The following RAPH1 variants were observed in gnomAD, a reference collection of about 807,000 sequenced individuals.
RAPH1 encodes Ras association (RalGDS/AF-6) and pleckstrin homology domains 1.
RAPH1 carries 18 observed loss-of-function variants against 88.1 expected under a neutral mutation model. That is an observed-to-expected ratio of 0.20 (90% CI 0.14 to 0.30). The LOEUF (loss-of-function observed/expected upper bound fraction) is 0.30, where lower values mean the gene tolerates loss of function less well. RAPH1 is among the 10% of genes least tolerant of loss of function. The pLI, the probability that RAPH1 is intolerant of heterozygous loss-of-function variation, is 1.00. For missense variants in RAPH1, 1,448 were observed against 1,543.2 expected (o/e 0.94, Z 1.03); for synonymous variants, 587 against 559.0 (o/e 1.05, Z -0.71).
At chr2:203,490,502 A>T (rs1472983180) in intron 3 of RAPH1, among the ~76,000 whole-genome samples, 1 of 152,230 alleles carries the variant, frequency 6.6e-6, no homozygotes, top group Non-Finnish European at 1.5e-5. Context: ...TGACAGGTCA[A>T]TATTATAAAC....
intron 4 of RAPH1, among the ~76,000 whole-genome samples, chr2:203,482,254 C>G (rs952722531): frequency 6.6e-6 from 1 of 152,088 alleles, no homozygotes. Flanking sequence ...GGCATCATCT[C>G]AGCTCACTGC....
intron 1 of RAPH1, among the ~76,000 whole-genome samples, chr2:203,516,498 C>T (rs184903950): frequency 7.9e-5 from 12 of 152,280 alleles, no homozygotes; most frequent in Admixed American, 2.0e-4. Flanking sequence ...GCCTGTAATC[C>T]CAGATTTTGG....
At chr2:203,463,137 G>A (rs2098525480) in intron 4 of RAPH1, among the ~76,000 whole-genome samples, 2 of 151,856 alleles carry the variant, frequency 1.3e-5, no homozygotes, top group Non-Finnish European at 1.5e-5. Flanking sequence ...GGGAGGCAGA[G>A]GCTGCAGTGA....
intron 1 of RAPH1, among the ~76,000 whole-genome samples, chr2:203,519,696 T>C (rs796699262): frequency 1.4e-4 from 21 of 152,274 alleles, no homozygotes; most frequent in African/African-American, 5.1e-4. Context: ...CCAACCATGA[T>C]ATTTTTACTC....
chr2:203,513,139 A>C (rs750036299), intron 1 of RAPH1, among the ~76,000 whole-genome samples: 4 of 151,882 alleles, frequency 2.6e-5, no homozygotes, highest in Non-Finnish European at 5.9e-5. Flanking sequence ...TAATTCTGCC[A>C]CTAACTAGCT....
intron 2 of RAPH1, among the ~76,000 whole-genome samples, chr2:203,491,596 C>G (rs554466330): frequency 6.6e-6 from 1 of 152,310 alleles, no homozygotes; most frequent in Admixed American, 6.5e-5. Context: ...GCTTGGCTCA[C>G]TGCAACCTCC....
At chr2:203,529,089 C>T (rs142071400) in intron 1 of RAPH1, among the ~76,000 whole-genome samples, 28 of 139,122 alleles carry the variant, frequency 2.0e-4, no homozygotes, top group African/African-American at 7.5e-4. Context: ...GTGATGCTCC[C>T]AATCTCAGCC....
At chr2:203,472,164 CCT>C (rs907119846) in intron 4 of RAPH1, among the ~76,000 whole-genome samples, 2 of 150,678 alleles carry the variant, frequency 1.3e-5, no homozygotes, top group African/African-American at 4.9e-5. Context: ...ACAGAGTCTC[CCT>C]CTCTCACCCA....
Position 203,488,549 on chromosome 2 carries a change from T to G in RAPH1, c.732+1035A>C, listed in dbSNP as rs58558938. Among the ~76,000 whole-genome samples the G allele has an allele frequency of 2.7e-3, 331 of 122,946 alleles. 9 individuals carry two copies. In the East Asian group the frequency reaches 0.072, roughly 27 times the overall value. 80.7% of individuals were successfully genotyped at this position (122,946 alleles called of 152,430 possible). ...TTGCAGTGAGCCAAGATCATGCCAC[T>G]GCACTCCAGCCTGGGCGACAGAATG... On this transcript the variant is annotated intron_variant, in intron 4 of 13. Coordinates refer to ENST00000319170, the MANE Select transcript of RAPH1 (RefSeq NM_213589.3).
chr2:203,490,440 G>A (rs1354487578), intron 3 of RAPH1, among the ~76,000 whole-genome samples: 1 of 152,134 alleles, frequency 6.6e-6, no homozygotes, highest in Non-Finnish European at 1.5e-5. Flanking sequence ...TGTCAATACT[G>A]AAAGAGCTGA....
chr2:203,490,178 A>G, intron 3 of RAPH1, 89 bp from the exon 4 acceptor site: 1 of 1,293,920 alleles, frequency 7.7e-7, no homozygotes, highest in Non-Finnish European at 1.1e-6. Flanking sequence ...AAAAGAATAT[A>G]TTTTGTTGGG....
chr2:203,508,028 C>A (rs1341378012), intron 1 of RAPH1, among the ~76,000 whole-genome samples: 1 of 151,170 alleles, frequency 6.6e-6, no homozygotes, highest in Non-Finnish European at 1.5e-5. Flanking sequence ...CTGGCTAACA[C>A]AGTGAAACCC....
At chr2:203,502,819 CAAAA>C (rs745644429) in intron 1 of RAPH1, among the ~76,000 whole-genome samples, 1 of 97,750 alleles carries the variant, frequency 1.0e-5, no homozygotes, top group Non-Finnish European at 2.1e-5. Flanking sequence ...GACTCCGTCC[CAAAA>C]AAAAAAAAAA....
At chr2:203,458,600 A>G (rs1030183118) in intron 7 of RAPH1, among the ~76,000 whole-genome samples, 2 of 152,172 alleles carry the variant, frequency 1.3e-5, no homozygotes, top group Non-Finnish European at 2.9e-5. Context: ...ATGCCTACCT[A>G]TCATTTAATT....
intron 2 of RAPH1, among the ~76,000 whole-genome samples, chr2:203,492,233 C>A (rs866054809): frequency 3.2e-4 from 43 of 133,504 alleles, no homozygotes; most frequent in East Asian, 4.6e-4. Context: ...GACTCAATCT[C>A]AAAAAAAAAA....
Position 203,434,613 on chromosome 2 carries a change from G to A in RAPH1, c.*4824C>T, listed in dbSNP as rs1160802987. 1.3e-5 allele frequency: 2 copies of A among 151,504 alleles called. No individual in the cohort carries two copies. The highest frequency in any genetic ancestry group is 4.9e-5 in the African/African-American group (2 of 40,988). The allele number at this position is 151,504 out of a possible 1,614,324, so 9.4% of individuals were successfully genotyped here. ...AGGTGGGGAAATAATATGAAAAACG[G>A]CAGTTTTTGGTATTAGGTTACAATA... On this transcript the variant is annotated 3_prime_UTR_variant, in exon 14 of 14. Coordinates refer to ENST00000319170, the MANE Select transcript of RAPH1 (RefSeq NM_213589.3).
chr2:203,494,992 T>C (rs568282420), intron 2 of RAPH1, among the ~76,000 whole-genome samples: 1 of 152,302 alleles, frequency 6.6e-6, no homozygotes, highest in East Asian at 1.9e-4. Flanking sequence ...ATATATTAAG[T>C]AACCCCTCTA....
chr2:203,495,158 T>C lies in RAPH1; in HGVS notation c.120+76A>G. On this transcript the variant is annotated intron_variant, in intron 2 of 13. Transcript: ENST00000319170. ...TACTTTAAAATTTAACTTATATCCA[T>C]ATCCTCTTCTGCACATTAAACTTTT... 6 of 1,527,970 alleles carry C rather than the reference T, an allele frequency of 3.9e-6. No homozygotes were observed. The South Asian group carries it at 4.6e-5, about 12-fold the overall frequency. The allele number at this position is 1,527,970 out of a possible 1,614,324, so 94.7% of individuals were successfully genotyped here.
In RAPH1 at chr2:203,506,878, A is replaced by C. The variant is rs1391898248; in HGVS notation, c.1-11525T>G. On this transcript the variant is annotated intron_variant, in intron 1 of 13. Coordinates refer to ENST00000319170, the MANE Select transcript of RAPH1 (RefSeq NM_213589.3). ...TATCTATATATATATATATATATAT[A>C]TAGATATATATATATATATATTTTT... is the stretch of plus-strand genomic sequence containing the variant. 7.6e-4 allele frequency among the ~76,000 whole-genome samples: 52 copies of C among 68,228 alleles called. 2 individuals are homozygous for C. The highest frequency in any genetic ancestry group is 1.7e-3 in the Admixed American group (11 of 6,506). 44.8% of individuals were successfully genotyped at this position (68,228 alleles called of 152,430 possible).
Sources: allele counts gnomAD v4.1 joint callset (sites outside exome capture counted in the v4.1 genomes callset), GRCh38; gene constraint gnomAD v4.1.1; transcripts MANE v1.5; gene names NCBI Gene and HGNC (gene_info 2026-07-23, HGNC 2026-07-21).